Variants in PLAG1 observed in about 807,000 individuals in gnomAD.
The protein encoded by PLAG1 is zinc finger protein PLAG1.
A neutral mutation model predicts 35.5 loss-of-function variants in PLAG1; 7 were observed. The observed-to-expected ratio is 0.20, with a 90% CI of 0.11 to 0.37. PLAG1 has a LOEUF of 0.37. PLAG1 is among the 10% of genes least tolerant of loss of function. PLAG1 has a pLI of 1.00. For missense variants in PLAG1, 454 were observed against 602.8 expected (o/e 0.75, Z 2.58); for synonymous variants, 229 against 225.4 (o/e 1.02, Z -0.14).
At chr8:56,208,071 A>AT (rs982994051) in intron 1 of PLAG1, among the ~76,000 whole-genome samples, 6 of 147,158 alleles carry the variant, frequency 4.1e-5, no homozygotes, top group Admixed American at 6.6e-5. Flanking sequence ...GAATTCCTTC[A>AT]TTTTTTTATA....
intron 1 of PLAG1, among the ~76,000 whole-genome samples, chr8:56,186,018 C>A (rs1249698119): frequency 6.6e-6 from 1 of 152,118 alleles, no homozygotes; most frequent in African/African-American, 2.4e-5. Context: ...GGCAGGTACT[C>A]CAGGTAGAGG....
intron 1 of PLAG1, among the ~76,000 whole-genome samples, chr8:56,207,955 T>C (rs1457262948): frequency 1.3e-5 from 2 of 151,972 alleles, no homozygotes; most frequent in Non-Finnish European, 2.9e-5. Flanking sequence ...CCACCCTATA[T>C]GAGAGGAAGA....
chr8:56,190,775 G>A (rs904010097), intron 1 of PLAG1, among the ~76,000 whole-genome samples: 3 of 152,168 alleles, frequency 2.0e-5, no homozygotes, highest in Non-Finnish European at 4.4e-5. Context: ...AGAAGAGATA[G>A]AGGAGGACAG....
At chr8:56,205,035 C>T (rs1812659854) in intron 1 of PLAG1, among the ~76,000 whole-genome samples, 1 of 151,822 alleles carries the variant, frequency 6.6e-6, no homozygotes. Flanking sequence ...CAGCATAGAC[C>T]TAAAAACATA....
chr8:56,173,433 T>C (rs1004738956), intron 2 of PLAG1, among the ~76,000 whole-genome samples: 1 of 152,100 alleles, frequency 6.6e-6, no homozygotes, highest in African/African-American at 2.4e-5. Flanking sequence ...ATAAAAAATA[T>C]ACAGTTTGTA....
intron 1 of PLAG1, among the ~76,000 whole-genome samples, chr8:56,181,627 G>A (rs567804175): frequency 2.1e-4 from 32 of 152,136 alleles, no homozygotes; most frequent in East Asian, 1.4e-3. Flanking sequence ...TATAGATGAC[G>A]GGTTGATGGG....
chr8:56,197,205 C>T (rs1476445575), intron 1 of PLAG1, among the ~76,000 whole-genome samples: 2 of 152,100 alleles, frequency 1.3e-5, no homozygotes, highest in East Asian at 1.9e-4. Flanking sequence ...GTGCCTCTCT[C>T]CCCAAATCCT....
In PLAG1 at chr8:56,201,974, TTG is replaced by T. The variant is rs1491009901; in HGVS notation, c.-322+9145_-322+9146del. On this transcript the variant is annotated intron_variant, in intron 1 of 4. Coordinates refer to ENST00000316981, the MANE Select transcript of PLAG1 (RefSeq NM_002655.3). Reference sequence around the variant, plus strand: ...CTTTTTGGGCTCTTTTTTTTTTTTTTTGTTTTTACTAGGAAAAACCTTTAACT... The same window carrying T: ...CTTTTTGGGCTCTTTTTTTTTTTTTTTTTTTACTAGGAAAAACCTTTAACT... 2.2e-3 allele frequency among the ~76,000 whole-genome samples: 335 copies of T among 151,616 alleles called. 1 individual carries two copies. The highest frequency in any genetic ancestry group is 7.6e-3 in the African/African-American group (315 of 41,452).
chr8:56,201,971 T>G (rs114607955), intron 1 of PLAG1, among the ~76,000 whole-genome samples: 4,196 of 151,526 alleles, frequency 0.028, 150 homozygotes, highest in African/African-American at 0.09. Context: ...TTTTTTTTTT[T>G]TTTTGTTTTT....
At chr8:56,199,093 C>T (rs781097842) in intron 1 of PLAG1, among the ~76,000 whole-genome samples, 1 of 152,120 alleles carries the variant, frequency 6.6e-6, no homozygotes, top group Non-Finnish European at 1.5e-5. Context: ...GGAGTGGGAA[C>T]GGGTGCTCAG....
intron 2 of PLAG1, among the ~76,000 whole-genome samples, chr8:56,179,112 A>G (rs1446605091): frequency 6.7e-6 from 1 of 149,358 alleles, no homozygotes; most frequent in Non-Finnish European, 1.5e-5. Flanking sequence ...AGAGCTTAAG[A>G]GTACATCTGT....
At chr8:56,188,262 T>C (rs964525088) in intron 1 of PLAG1, among the ~76,000 whole-genome samples, 2 of 152,118 alleles carry the variant, frequency 1.3e-5, no homozygotes, top group African/African-American at 4.8e-5. Context: ...GCAGAGCCAT[T>C]TGGTATGCGG....
chr8:56,169,686 TACATGCCA>T (rs1811462738), intron 3 of PLAG1, among the ~76,000 whole-genome samples: 1 of 152,112 alleles, frequency 6.6e-6, no homozygotes, highest in East Asian at 1.9e-4. Flanking sequence ...GGACTGCAGG[TACATGCCA>T]TTATGCCTGG....
rs1811258059 is a variant in PLAG1 at position 56,163,207 on chromosome 8, TC to T, written c.*3035del. ...CTAAACTACTTTTATTTAATGTTAA[TC>T]CCTTTTTTTTTTTTTTTTTTTTTTT... On this transcript the variant is annotated 3_prime_UTR_variant, in exon 5 of 5. Coordinates refer to ENST00000316981, the MANE Select transcript of PLAG1 (RefSeq NM_002655.3). 1 of 167,224 alleles carries T rather than the reference TC, an allele frequency of 6.0e-6. No individual in the cohort carries two copies. Among genetic ancestry groups the T allele is most frequent in the Non-Finnish European group, 1.2e-5 (1 of 81,778 alleles). 10.4% of individuals were successfully genotyped at this position (167,224 alleles called of 1,614,324 possible).
rs1460165572 is a variant in PLAG1, at chr8:56,165,007, C to G, written c.*1236G>C. On this transcript the variant is annotated 3_prime_UTR_variant, in exon 5 of 5. Coordinates refer to ENST00000316981, the MANE Select transcript of PLAG1 (RefSeq NM_002655.3). Reference sequence around the variant, plus strand: ...TTCAAATTCTCCATCCAAAATATTGCAAGGAAAGATGGATTCACATTGAAT... The same window carrying G: ...TTCAAATTCTCCATCCAAAATATTGGAAGGAAAGATGGATTCACATTGAAT... 3 of 206,584 alleles carry G rather than the reference C, an allele frequency of 1.5e-5. No individual in the cohort carries two copies. The highest frequency in any genetic ancestry group is 3.0e-5 in the Non-Finnish European group (3 of 101,276). 12.8% of individuals were successfully genotyped at this position (206,584 alleles called of 1,614,324 possible).
intron 1 of PLAG1, among the ~76,000 whole-genome samples, chr8:56,182,220 G>C (rs1811891311): frequency 6.6e-6 from 1 of 152,210 alleles, no homozygotes. Context: ...GAAGATATGT[G>C]TTGGAGTTAT....
intron 1 of PLAG1, among the ~76,000 whole-genome samples, chr8:56,191,128 C>T (rs548362722): frequency 3.3e-5 from 5 of 152,258 alleles, no homozygotes; most frequent in East Asian, 3.9e-4. Flanking sequence ...GCTTTACACG[C>T]GCTGCTTTTA....
chr8:56,177,821 A>C (rs1049946346), intron 2 of PLAG1, among the ~76,000 whole-genome samples: 2 of 152,150 alleles, frequency 1.3e-5, no homozygotes, highest in African/African-American at 4.8e-5. Flanking sequence ...AGAGAAATAC[A>C]TGGTTAGTTT....
rs574334217 is a variant in PLAG1, at chr8:56,162,027, C to T, written c.*4216G>A. On this transcript the variant is annotated 3_prime_UTR_variant, in exon 5 of 5. Transcript: ENST00000316981. ...CAATCTGAGTGTGCCTTCACCAATG[C>T]TGGTTGCATGATCTTCTTTTCTATG... 8.8e-6 allele frequency: 2 copies of T among 226,802 alleles called. No homozygotes were observed. The highest frequency in any genetic ancestry group is 1.1e-4 in the Admixed American group (2 of 17,606). The allele number at this position is 226,802 out of a possible 1,614,324, so 14.0% of individuals were successfully genotyped here.
Sources: gnomAD v4.1 joint callset for allele counts (sites outside exome capture counted in the v4.1 genomes callset) on GRCh38, gnomAD v4.1.1 for gene constraint, MANE v1.5 for transcripts, NCBI Gene and HGNC (gene_info 2026-07-23, HGNC 2026-07-21) for gene names.